Variants in PDE5A observed in about 807,000 individuals in gnomAD.
The protein encoded by PDE5A is cGMP-specific 3',5'-cyclic phosphodiesterase.
Under a neutral mutation model 110.2 loss-of-function variants are expected in PDE5A, and 67 were observed. The observed-to-expected ratio is 0.61, with a 90% CI of 0.50 to 0.75. PDE5A has a LOEUF of 0.75. Ranked by LOEUF, PDE5A falls within the 30% of genes least tolerant of loss-of-function variation. The pLI, the probability that PDE5A is intolerant of heterozygous loss-of-function variation, is 0.00. For missense variants in PDE5A, 862 were observed against 1,045.1 expected, an observed-to-expected ratio of 0.82 and a Z score of 2.42; for synonymous variants, 328 against 351.2, an observed-to-expected ratio of 0.93 and a Z score of 0.74.
intron 5 of PDE5A, among the ~76,000 whole-genome samples, chr4:119,563,454 TC>T (rs1484368078): frequency 1.3e-5 from 2 of 152,174 alleles, no homozygotes; most frequent in Admixed American, 6.5e-5. Flanking sequence ...TTTAAGAATT[TC>T]CTTTGTGTTT....
At position 119,498,171 on chromosome 4, in the gene PDE5A, A is replaced by G. The variant is rs199957318; in HGVS notation, c.*430T>C. ...CCTATAAAGGCTTTAAATGTCACAG[A>G]ATGTATGATAATTTGCTCCTAACCT... On this transcript the variant is annotated 3_prime_UTR_variant, in exon 21 of 21. Transcript: ENST00000354960. 1.7e-4 allele frequency: 26 copies of G among 155,396 alleles called. No individual in the cohort carries two copies. The highest frequency in any genetic ancestry group is 3.0e-4 in the Non-Finnish European group (21 of 70,090). 9.6% of individuals were successfully genotyped at this position (155,396 alleles called of 1,614,324 possible). A position where few individuals can be genotyped will look rare whatever the true frequency, so the allele number is the denominator to read the frequency against.
In PDE5A at chr4:119,519,030, C is replaced by T; in HGVS notation, c.2000+15G>A. On this transcript the variant is annotated intron_variant, in intron 14 of 20. Transcript: ENST00000354960. ...TAAAAGAAAACATTTTCTTGCTTTA[C>T]TGGGAAAGTCTTACCGCTGTATGTA... 6.3e-7 allele frequency: 1 copy of T among 1,582,468 alleles called. No homozygotes were observed. The highest frequency in any genetic ancestry group is 8.7e-7 in the Non-Finnish European group (1 of 1,152,594).
At chr4:119,575,623 G>C (rs1728306483) in intron 3 of PDE5A, among the ~76,000 whole-genome samples, 1 of 152,264 alleles carries the variant, frequency 6.6e-6, no homozygotes, top group East Asian at 1.9e-4. Flanking sequence ...ATCCTTTACA[G>C]ACAAGCAAAT....
At position 119,498,680 on chromosome 4, in the gene PDE5A, C is replaced by G; in HGVS notation, c.2549G>C (p.Arg850Thr). The G allele has an allele frequency of 2.5e-6, 4 of 1,613,974 alleles. No individual in the cohort carries two copies. Among genetic ancestry groups the G allele is most frequent in the Non-Finnish European group, 3.4e-6 (4 of 1,179,916 alleles). Residue 850 changes from arginine (R) to threonine (T), a missense_variant, in exon 21 of 21, where the codon AGG becomes ACG. Transcript: ENST00000354960. ...FPLLDGCRKN[R>T]QKWQALAEQQ... is the part of the protein sequence containing the mutation. The stretch of plus-strand genomic sequence containing the variant: ...TTCTGCAAGGGCCTGCCATTTCTGC[C>G]TGTTCTTTCTGCAGCCATCTAGCAA...
At chr4:119,541,003 C>G (rs1019614831) in intron 10 of PDE5A, among the ~76,000 whole-genome samples, 6 of 152,000 alleles carry the variant, frequency 3.9e-5, no homozygotes, top group African/African-American at 1.4e-4. Context: ...GGAAAATATT[C>G]AGAGATTCTG....
intron 1 of PDE5A, among the ~76,000 whole-genome samples, chr4:119,625,071 A>G (rs1025369501): frequency 2.1e-5 from 3 of 142,024 alleles, no homozygotes; most frequent in African/African-American, 5.4e-5. Context: ...AGTATAGTGG[A>G]GCAATCTTGG....
At chr4:119,578,472 A>T (rs1249122729) in intron 3 of PDE5A, among the ~76,000 whole-genome samples, 1 of 152,210 alleles carries the variant, frequency 6.6e-6, no homozygotes, top group Non-Finnish European at 1.5e-5. Context: ...ACAGCATGGT[A>T]CTGGTACCAA....
chr4:119,588,282 G>A (rs1186081272), intron 3 of PDE5A, among the ~76,000 whole-genome samples: 1 of 150,102 alleles, frequency 6.7e-6, no homozygotes, highest in East Asian at 2.0e-4. Flanking sequence ...AGGTTCAAGC[G>A]ACTCTCCTGT....
At chr4:119,561,310 T>TC (rs1456873990) in intron 6 of PDE5A, among the ~76,000 whole-genome samples, 1 of 152,238 alleles carries the variant, frequency 6.6e-6, no homozygotes, top group East Asian at 1.9e-4. Flanking sequence ...CTCATGTTGT[T>TC]GATGTACTTT....
At chr4:119,579,874 G>C (rs1186435042) in intron 3 of PDE5A, among the ~76,000 whole-genome samples, 1 of 152,004 alleles carries the variant, frequency 6.6e-6, no homozygotes, top group Non-Finnish European at 1.5e-5. Flanking sequence ...TTCACTGTAC[G>C]TGAATTTTAA....
intron 13 of PDE5A, among the ~76,000 whole-genome samples, chr4:119,520,722 T>G (rs1726097043): frequency 6.6e-6 from 1 of 152,142 alleles, no homozygotes; most frequent in African/African-American, 2.4e-5. Context: ...TTTTCTAATA[T>G]GCCATATATA....
intron 3 of PDE5A, among the ~76,000 whole-genome samples, chr4:119,574,142 A>C (rs1578788954): frequency 1.3e-5 from 2 of 150,118 alleles, no homozygotes; most frequent in Middle Eastern, 3.5e-3. Flanking sequence ...TACTCCCCAC[A>C]GGAAAAAGTG....
intron 3 of PDE5A, 117 bp from the exon 4 acceptor site, chr4:119,567,261 C>A: frequency 1.4e-6 from 1 of 709,746 alleles, no homozygotes. Flanking sequence ...CACTAGTCTA[C>A]AAAACAAAAG....
At position 119,525,444 on chromosome 4, in the gene PDE5A, AT is replaced by A. The variant is rs1457992499; in HGVS notation, c.1779+104del. ...AGGTGACAGTATATTAATCACTAAA[AT>A]GTAAAAATCCCTATTCCATATTTGC... is the stretch of plus-strand genomic sequence containing the variant. On this transcript the variant is annotated intron_variant, in intron 12 of 20. Transcript: ENST00000354960. This position sits in a 1 kb window ranked among gnomAD's most constrained non-coding sequence, Gnocchi z 4.3. 11 of 1,072,552 alleles carry A rather than the reference AT, an allele frequency of 1.0e-5. No individual in the cohort carries two copies. The highest frequency in any genetic ancestry group is 1.3e-5 in the Non-Finnish European group (10 of 749,924). The allele number at this position is 1,072,552 out of a possible 1,614,324, so 66.4% of individuals were successfully genotyped here. A position where few individuals can be genotyped will look rare whatever the true frequency, so the allele number is the denominator to read the frequency against.
chr4:119,563,656 A>G (rs1194905803), intron 5 of PDE5A, among the ~76,000 whole-genome samples: 1 of 152,188 alleles, frequency 6.6e-6, no homozygotes, highest in African/African-American at 2.4e-5. Flanking sequence ...ATTAGATTTT[A>G]TAAGAGCACA....
At chr4:119,541,955 T>A (rs1335157646) in intron 10 of PDE5A, 1 of 152,232 alleles carries the variant, frequency 6.6e-6, no homozygotes, top group African/African-American at 2.4e-5. Flanking sequence ...TTTGAAATAG[T>A]TTCTCAGATG....
chr4:119,515,397 T>A (rs1380444467), intron 14 of PDE5A, among the ~76,000 whole-genome samples: 2 of 152,306 alleles, frequency 1.3e-5, no homozygotes, highest in African/African-American at 4.8e-5. Context: ...GAACAAGTTC[T>A]CCCAGGACAA....
chr4:119,588,979 G>C (rs1578804243), intron 3 of PDE5A, among the ~76,000 whole-genome samples: 1 of 152,242 alleles, frequency 6.6e-6, no homozygotes, highest in Non-Finnish European at 1.5e-5. Context: ...AAGATAAAAA[G>C]AGAGAAGGAG....
At chr4:119,502,939 A>G (rs1725414734) in intron 18 of PDE5A, among the ~76,000 whole-genome samples, 2 of 152,016 alleles carry the variant, frequency 1.3e-5, no homozygotes, top group Non-Finnish European at 1.5e-5. Flanking sequence ...TTCTCCCCAT[A>G]AAACAGTATG....
Sources: gnomAD v4.1 joint callset for allele counts (sites outside exome capture counted in the v4.1 genomes callset) on GRCh38, gnomAD v4.1.1 for gene constraint, Gnocchi (gnomAD v3.1) non-coding constraint, MANE v1.5 for transcripts, NCBI Gene and HGNC (gene_info 2026-07-23, HGNC 2026-07-21) for gene names.